The following SLC22A14 variants were observed in gnomAD, a reference collection of about 807,000 sequenced individuals.
SLC22A14 encodes organic cation transporter-like 4.
Under a neutral mutation model 53.9 loss-of-function variants are expected in SLC22A14, and 50 were observed. That is an observed-to-expected ratio of 0.93 (90% CI 0.74 to 1.17). The LOEUF (loss-of-function observed/expected upper bound fraction) is 1.17. Ranked by LOEUF, SLC22A14 falls within the 50% of genes most tolerant of loss-of-function variation. The pLI is 0.00. For synonymous variants in SLC22A14, 312 were observed against 303.0 expected (o/e 1.03, Z -0.31); for missense variants, 671 against 734.7 (o/e 0.91, Z 1.00).
intron 1 of SLC22A14, among the ~76,000 whole-genome samples, chr3:38,284,406 C>T (rs531768111): frequency 1.3e-5 from 2 of 152,324 alleles, no homozygotes; most frequent in Non-Finnish European, 2.9e-5. Flanking sequence ...TTGGCGAATG[C>T]AGCTCGGCCT....
At position 38,289,180 on chromosome 3, in the gene SLC22A14, CAAAAAA is replaced by C. The variant is rs1173451784; in HGVS notation, c.-1+6861_-1+6866del. ...GTGACAGAGTGTGACTCTATCTCTA[CAAAAAA>C]AAAAAAAAAAAAAAAAAAATTGCAA... On this transcript the variant is annotated intron_variant, in intron 1 of 10. Coordinates refer to ENST00000448498, the MANE Select transcript of SLC22A14 (RefSeq NM_001320033.2). 4.5e-3 allele frequency among the ~76,000 whole-genome samples: 240 copies of C among 52,992 alleles called. 1 individual carries two copies. The South Asian group carries it at 0.061, about 14-fold the overall frequency. 34.8% of individuals were successfully genotyped at this position (52,992 alleles called of 152,430 possible).
intron 8 of SLC22A14, among the ~76,000 whole-genome samples, chr3:38,314,819 G>A (rs796702773): frequency 2.0e-5 from 3 of 152,210 alleles, no homozygotes; most frequent in African/African-American, 7.2e-5. Flanking sequence ...AAAAAAGCAG[G>A]TCTACACTGA....
Position 38,313,838 on chromosome 3 carries a change from G to A in SLC22A14, c.1275G>A (p.Leu425=). The A allele has an allele frequency of 6.2e-7, 1 of 1,614,028 alleles. No individual in the cohort carries two copies. Among genetic ancestry groups the A allele is most frequent in the East Asian group, 2.2e-5 (1 of 44,874 alleles). Residue 425 remains leucine, a synonymous_variant, in exon 8 of 11, where the codon CTG becomes CTA. Coordinates refer to ENST00000448498, the MANE Select transcript of SLC22A14 (RefSeq NM_001320033.2). ...GCATCATGGAGGTGCCTGCCCGGCT[G>A]TGCTGCATCTTTCTCCTCCAGCAGA... ...VPSIMEVPAR[L]CCIFLLQQIG... is the part of the protein sequence containing the mutation.
Position 38,306,069 on chromosome 3 carries a change from G to C in SLC22A14, c.43G>C (p.Asp15His). 1.2e-6 allele frequency: 2 copies of C among 1,613,982 alleles called. No individual in the cohort carries two copies. Among genetic ancestry groups the C allele is most frequent in the Middle Eastern group, 1.6e-4 (1 of 6,062 alleles). Residue 15 changes from aspartate to histidine, a missense_variant, in exon 2 of 11, where the codon GAT (aspartate) becomes CAT (histidine). Physicochemically the swap from Asp to His is moderately conservative, Grantham distance 81. Coordinates refer to ENST00000448498, the MANE Select transcript of SLC22A14 (RefSeq NM_001320033.2). The stretch of plus-strand genomic sequence containing the variant: ...CTTCAAGGAAGAGCTCAGATCCCAG[G>C]ATGCTTCCAGGAACTTGAACCAGCA... ...ENFKEELRSQ[D>H]ASRNLNQHEV...
At chr3:38,304,444 G>T (rs1704247695) in intron 1 of SLC22A14, among the ~76,000 whole-genome samples, 2 of 151,978 alleles carry the variant, frequency 1.3e-5, no homozygotes, top group South Asian at 4.2e-4. Context: ...CTGGAGTGCG[G>T]TGGCGTGATC....
intron 1 of SLC22A14, 95 bp from the exon 2 acceptor site, chr3:38,305,932 C>T: frequency 7.7e-7 from 1 of 1,292,066 alleles, no homozygotes; most frequent in Admixed American, 2.2e-5. Context: ...TGCTTCAAGC[C>T]AGAGGCCAGT....
chr3:38,305,919 T>C, intron 1 of SLC22A14, 108 bp from the exon 2 acceptor site: 2 of 1,094,970 alleles, frequency 1.8e-6, no homozygotes, highest in Non-Finnish European at 2.7e-6. Context: ...TTGGAATCCA[T>C]ATTGCTTCAA....
At chr3:38,289,710 C>T (rs1241232072) in intron 1 of SLC22A14, among the ~76,000 whole-genome samples, 1 of 152,206 alleles carries the variant, frequency 6.6e-6, no homozygotes. Flanking sequence ...ATGGGCGCCT[C>T]ACTGGATCAG....
upstream of SLC22A14, among the ~76,000 whole-genome samples, chr3:38,280,332 C>G (rs1703641050): frequency 6.6e-6 from 1 of 152,176 alleles, no homozygotes; most frequent in South Asian, 2.1e-4. Context: ...TCTCAAAAAC[C>G]CGGTGTCATC....
At chr3:38,293,991 G>A (rs758158099) in intron 1 of SLC22A14, among the ~76,000 whole-genome samples, 35 of 152,148 alleles carry the variant, frequency 2.3e-4, no homozygotes, top group Non-Finnish European at 4.3e-4. Context: ...ATAGCCATCT[G>A]GGTTATCTGA....
chr3:38,306,787 A>G (rs1704317994), intron 2 of SLC22A14, among the ~76,000 whole-genome samples: 1 of 152,200 alleles, frequency 6.6e-6, no homozygotes, highest in South Asian at 2.1e-4. Context: ...TCTGTCCAAG[A>G]AATCGCTCCT....
chr3:38,281,766 C>T (rs1272137561), upstream of SLC22A14, among the ~76,000 whole-genome samples: 1 of 152,214 alleles, frequency 6.6e-6, no homozygotes, highest in Non-Finnish European at 1.5e-5. Flanking sequence ...TAAGTACATG[C>T]TGTACTGGTA....
chr3:38,318,372 C>T lies in SLC22A14; in HGVS notation c.*123C>T. 1 of 906,128 alleles carries T rather than the reference C, an allele frequency of 1.1e-6. No individual in the cohort carries two copies. Among genetic ancestry groups the T allele is most frequent in the African/African-American group, 1.6e-5 (1 of 61,410 alleles). The allele number at this position is 906,128 out of a possible 1,614,324, so 56.1% of individuals were successfully genotyped here. Reference sequence around the variant, plus strand: ...GCAAACAGCCAGGCTCCCTGAGGGCCAGGCCCCCAGACCATCTTGGGTTGG... The same window carrying T: ...GCAAACAGCCAGGCTCCCTGAGGGCTAGGCCCCCAGACCATCTTGGGTTGG... On this transcript the variant is annotated 3_prime_UTR_variant, in exon 11 of 11. Transcript: ENST00000448498.
chr3:38,299,208 A>G (rs6782331), intron 1 of SLC22A14, among the ~76,000 whole-genome samples: 9,761 of 152,226 alleles, frequency 0.064, 376 homozygotes, highest in East Asian at 0.16. Flanking sequence ...ATTTGGGGAT[A>G]GGGTGTATGT....
intron 1 of SLC22A14, among the ~76,000 whole-genome samples, chr3:38,294,122 G>C (rs557173821): frequency 6.6e-6 from 1 of 151,700 alleles, no homozygotes; most frequent in South Asian, 2.1e-4. Context: ...GGGAAATATT[G>C]GCACTCTTTG....
chr3:38,311,947 T>G (rs1363254614), intron 5 of SLC22A14, among the ~76,000 whole-genome samples: 1 of 152,214 alleles, frequency 6.6e-6, no homozygotes, highest in Admixed American at 6.5e-5. Flanking sequence ...CCCCATCTTT[T>G]TGAAGAAGTC....
At chr3:38,304,959 C>T (rs1421109744) in intron 1 of SLC22A14, among the ~76,000 whole-genome samples, 1 of 152,150 alleles carries the variant, frequency 6.6e-6, no homozygotes, top group East Asian at 1.9e-4. Flanking sequence ...GCAATTTATT[C>T]CAGTTCACTG....
At position 38,312,969 on chromosome 3, in the gene SLC22A14, G is replaced by A. The variant is rs377330095; in HGVS notation, c.945-30G>A. 3.8e-5 allele frequency: 59 copies of A among 1,568,498 alleles called. No homozygotes were observed. In the East Asian group the frequency reaches 5.5e-4, roughly 15 times the overall value. ...AGGGGGTCTCTGGGCATCATAGAAC[G>A]GTGAGATAAGAGAGGGGCTGGCCAC... On this transcript the variant is annotated intron_variant, in intron 5 of 10. Coordinates refer to ENST00000448498, the MANE Select transcript of SLC22A14 (RefSeq NM_001320033.2).
rs532535939 is a variant in SLC22A14 at position 38,296,786 on chromosome 3, G to A, written c.1-9241G>A. The stretch of plus-strand genomic sequence containing the variant: ...GACTAGTGTTCAGCTCAATTGGGAT[G>A]AACCCGGGCACTTAGCTGTGCAGGA... On this transcript the variant is annotated intron_variant, in intron 1 of 10. Transcript: ENST00000448498. 2.7e-4 allele frequency among the ~76,000 whole-genome samples: 41 copies of A among 152,334 alleles called. No homozygotes were observed. In the South Asian group the frequency reaches 8.1e-3, roughly 30 times the overall value.
Sources: gnomAD v4.1 joint callset for allele counts (sites outside exome capture counted in the v4.1 genomes callset) on GRCh38, gnomAD v4.1.1 for gene constraint, MANE v1.5 for transcripts, NCBI Gene and HGNC (gene_info 2026-07-23, HGNC 2026-07-21) for gene names.